Variants in EFR3A observed in about 807,000 individuals in gnomAD.
EFR3A encodes protein EFR3 homolog A.
A neutral mutation model predicts 104.4 loss-of-function variants in EFR3A; 76 were observed. That is an observed-to-expected ratio of 0.73 (90% CI 0.60 to 0.88). The LOEUF is 0.88. Among genes scored for constraint, EFR3A ranks in the 40% least tolerant of loss-of-function variants. The pLI is 0.00. For missense variants in EFR3A, 985 were observed against 1,012.5 expected (o/e 0.97, Z 0.37); for synonymous variants, 330 against 330.0 (o/e 1.00, Z 0.00).
chr8:132,012,810 CTT>C lies in EFR3A; in HGVS notation c.*1917_*1918del, dbSNP rs776777147. The C allele has an allele frequency of 1.3e-5, 2 of 152,148 alleles. No individual in the cohort carries two copies. Among genetic ancestry groups the C allele is most frequent in the Non-Finnish European group, 2.9e-5 (2 of 67,976 alleles). The allele number at this position is 152,148 out of a possible 1,614,324, so 9.4% of individuals were successfully genotyped here. ...CATTTGCACTTACGTGAAACACAAA[CTT>C]TGCTCTACAAAATTTCGTGTTTCTT... On this transcript the variant is annotated 3_prime_UTR_variant, in exon 23 of 23. Coordinates refer to ENST00000254624, the MANE Select transcript of EFR3A (RefSeq NM_015137.6).
At position 131,940,091 on chromosome 8, in the gene EFR3A, G is replaced by A. The variant is rs551366854; in HGVS notation, c.11-408G>A. On this transcript the variant is annotated intron_variant, in intron 1 of 22. Coordinates refer to ENST00000254624, the MANE Select transcript of EFR3A (RefSeq NM_015137.6). ...GCCCCAGGCAGAGGGAACAGTGAGA[G>A]TTAAGATCCAAAGGAGGGGGTCTAG... The A allele has an allele frequency of 1.6e-3, 279 of 176,054 alleles. 2 individuals carry two copies. Among genetic ancestry groups the A allele is most frequent in the African/African-American group, 6.4e-3 (270 of 42,192 alleles). The allele number at this position is 176,054 out of a possible 1,614,324, so 10.9% of individuals were successfully genotyped here.
At chr8:131,999,185 T>A (rs562003378) in intron 19 of EFR3A, among the ~76,000 whole-genome samples, 1 of 152,288 alleles carries the variant, frequency 6.6e-6, no homozygotes, top group Non-Finnish European at 1.5e-5. Context: ...AATTTTTTGA[T>A]ATAAAATTAA....
chr8:131,960,594 A>G (rs993816063), intron 8 of EFR3A, among the ~76,000 whole-genome samples: 8 of 152,096 alleles, frequency 5.3e-5, no homozygotes, highest in Non-Finnish European at 8.8e-5. Flanking sequence ...GATAGCTTTG[A>G]GTGTTTTAGT....
At chr8:131,986,813 A>T (rs981682337) in intron 17 of EFR3A, among the ~76,000 whole-genome samples, 3 of 151,290 alleles carry the variant, frequency 2.0e-5, no homozygotes, top group African/African-American at 4.8e-5. Context: ...AAAAAAGAAT[A>T]AGAAAACTTA....
intron 8 of EFR3A, among the ~76,000 whole-genome samples, chr8:131,960,972 G>A (rs567419107): frequency 3.3e-5 from 5 of 152,120 alleles, no homozygotes; most frequent in African/African-American, 9.7e-5. Flanking sequence ...GACCTCTGGC[G>A]AACTCCCAAC....
At chr8:131,923,811 G>A (rs1817171249) in intron 1 of EFR3A, among the ~76,000 whole-genome samples, 1 of 152,166 alleles carries the variant, frequency 6.6e-6, no homozygotes, top group South Asian at 2.1e-4. Flanking sequence ...CAAAACATCT[G>A]TCTCTTCAGC....
rs1395075189 is a variant in EFR3A at position 131,986,240 on chromosome 8, A to G, written c.1916A>G (p.His639Arg). 1.9e-6 allele frequency: 3 copies of G among 1,586,896 alleles called. No homozygotes were observed. Among genetic ancestry groups the G allele is most frequent in the Non-Finnish European group, 2.6e-6 (3 of 1,158,238 alleles). ...GAAGCCCCTTATTTTCTACCAGAGCATATCTTCAGAGATAAGTGCATGTAT... is the reference window on the plus strand; with the variant it reads ...GAAGCCCCTTATTTTCTACCAGAGCGTATCTTCAGAGATAAGTGCATGTAT... ...TMEAPYFLPE[H>R]IFRDKCMLPK... Residue 639 changes from histidine (H) to arginine (R), a missense_variant, in exon 17 of 23, where the codon CAT becomes CGT. Transcript: ENST00000254624.
At chr8:131,910,953 A>G (rs763221775) in intron 1 of EFR3A, among the ~76,000 whole-genome samples, 13 of 152,186 alleles carry the variant, frequency 8.5e-5, no homozygotes, top group Admixed American at 3.9e-4. Flanking sequence ...CAACTGCTTC[A>G]GAGAAGAAAG....
intron 1 of EFR3A, among the ~76,000 whole-genome samples, chr8:131,931,762 G>A (rs1817623299): frequency 6.6e-6 from 1 of 151,868 alleles, no homozygotes; most frequent in South Asian, 2.1e-4. Context: ...TAACATCTTA[G>A]GGTTTTTCAT....
intron 2 of EFR3A, among the ~76,000 whole-genome samples, chr8:131,942,471 A>G (rs1051990999): frequency 6.6e-6 from 1 of 152,092 alleles, no homozygotes; most frequent in Admixed American, 6.6e-5. Context: ...TAGTAGCCAG[A>G]TGATCTTGGG....
At chr8:131,952,753 C>G (rs1274899349) in intron 5 of EFR3A, among the ~76,000 whole-genome samples, 1 of 152,152 alleles carries the variant, frequency 6.6e-6, no homozygotes, top group Admixed American at 6.6e-5. Context: ...TCATTTTTCT[C>G]ACCTGTTCAG....
chr8:132,002,800 A>C (rs1406154983), intron 21 of EFR3A, 94 bp downstream of exon 21: 4 of 969,026 alleles, frequency 4.1e-6, no homozygotes, highest in Non-Finnish European at 6.3e-6. Context: ...AGCTTTAGTC[A>C]AATCAACGGA....
chr8:131,977,004 T>G lies in EFR3A; in HGVS notation c.1275-37T>G, dbSNP rs1240122942. 5.0e-6 allele frequency: 7 copies of G among 1,404,262 alleles called. 1 individual carries two copies. In the Admixed American group the frequency reaches 1.1e-4, roughly 23 times the overall value. 87.0% of individuals were successfully genotyped at this position (1,404,262 alleles called of 1,614,324 possible). On this transcript the variant is annotated intron_variant, in intron 11 of 22. Transcript: ENST00000254624. ...GAAGTAAATGAAGTAATATAAATGC[T>G]AATTAGTATAATAATTCAGCCTTTT...
intron 22 of EFR3A, among the ~76,000 whole-genome samples, chr8:132,004,648 A>G (rs902581726): frequency 2.6e-5 from 4 of 152,236 alleles, no homozygotes; most frequent in South Asian, 2.1e-4. Context: ...CTAAATGTCA[A>G]ACATTTAATA....
intron 1 of EFR3A, chr8:131,938,456 A>G (rs1176727263): frequency 7.8e-6 from 3 of 383,128 alleles, no homozygotes; most frequent in Non-Finnish European, 1.4e-5. Flanking sequence ...ATATAATTTT[A>G]TAAAAACCTG....
chr8:131,969,294 A>G (rs562998276), intron 9 of EFR3A, among the ~76,000 whole-genome samples: 150 of 152,290 alleles, frequency 9.8e-4, no homozygotes, highest in Admixed American at 2.0e-3. Context: ...TATATTATCT[A>G]ATGATATAGT....
intron 5 of EFR3A, 61 bp from the exon 6 acceptor site, chr8:131,953,753 GCAAA>G (rs1293451654): frequency 1.5e-6 from 2 of 1,373,902 alleles, no homozygotes; most frequent in South Asian, 1.6e-5. Flanking sequence ...TCTTAGCTAC[GCAAA>G]CAGTCTTGTT....
intron 1 of EFR3A, among the ~76,000 whole-genome samples, chr8:131,922,154 A>G (rs7004185): frequency 0.4 from 60,510 of 151,990 alleles, 12,463 homozygotes; most frequent in East Asian, 0.61. Context: ...CGCTGTCTTC[A>G]TGCAGCCTTC....
At chr8:131,994,909 A>AG (rs1010776748) in intron 18 of EFR3A, among the ~76,000 whole-genome samples, 5 of 152,200 alleles carry the variant, frequency 3.3e-5, no homozygotes, top group African/African-American at 7.2e-5. Context: ...TGAGAGAGTT[A>AG]GAAGTCCTGG....
Sources: allele counts gnomAD v4.1 joint callset (sites outside exome capture counted in the v4.1 genomes callset), GRCh38; gene constraint gnomAD v4.1.1; transcripts MANE v1.5; gene names NCBI Gene and HGNC (gene_info 2026-07-23, HGNC 2026-07-21).